NRG1: variants seen among roughly 807,000 people sequenced by gnomAD.
NRG1 encodes pro-neuregulin-1, membrane-bound isoform.
A neutral mutation model predicts 63.8 loss-of-function variants in NRG1; 18 were observed. The observed-to-expected ratio is 0.28, with a 90% CI of 0.19 to 0.42. The LOEUF (loss-of-function observed/expected upper bound fraction) is 0.42. Among genes scored for constraint, NRG1 ranks in the 10% least tolerant of loss-of-function variants. The pLI is 1.00. For synonymous variants in NRG1, 302 were observed against 301.3 expected (o/e 1.00, Z -0.02); for missense variants, 762 against 814.7 (o/e 0.94, Z 0.79).
chr8:32,185,845 T>C (rs560144251), intron 1 of NRG1, among the ~76,000 whole-genome samples: 1 of 152,310 alleles, frequency 6.6e-6, no homozygotes, highest in Admixed American at 6.5e-5. Flanking sequence ...ATAATGAAAA[T>C]TTCTTCATTA....
At chr8:32,748,742 A>C (rs756809593) in intron 7 of NRG1, 12 of 453,276 alleles carry the variant, frequency 2.6e-5, no homozygotes, top group South Asian at 1.9e-4. Flanking sequence ...AAGATGAAAA[A>C]CCCTAGGAAT....
chr8:31,779,351 G>T (rs1482949417), intron 1 of NRG1, among the ~76,000 whole-genome samples: 1 of 152,036 alleles, frequency 6.6e-6, no homozygotes, highest in African/African-American at 2.4e-5. Context: ...GTAAGTTTTG[G>T]ATGAGAGTCA....
intron 1 of NRG1, among the ~76,000 whole-genome samples, chr8:32,148,184 C>G (rs1837106661): frequency 6.6e-6 from 1 of 152,072 alleles, no homozygotes; most frequent in African/African-American, 2.4e-5. Flanking sequence ...TAAATATACC[C>G]ATTTCAAATA....
intron 6 of NRG1, among the ~76,000 whole-genome samples, chr8:32,730,766 A>T (rs1036208935): frequency 1.3e-5 from 2 of 152,172 alleles, no homozygotes; most frequent in Non-Finnish European, 2.9e-5. Context: ...AAAATGCCAG[A>T]AGCTGAGAAT....
intron 7 of NRG1, chr8:32,749,949 A>T (rs1564102752): frequency 4.4e-6 from 1 of 226,182 alleles, no homozygotes; most frequent in East Asian, 1.0e-4. Context: ...ATCCACTCAG[A>T]GACCTGAGAA....
intron 1 of NRG1, among the ~76,000 whole-genome samples, chr8:31,803,570 A>G (rs556959910): frequency 2.0e-5 from 3 of 152,296 alleles, no homozygotes; most frequent in East Asian, 3.9e-4. Flanking sequence ...CTACCCACCA[A>G]AATCCCATGC....
chr8:31,646,375 G>A lies in NRG1; in HGVS notation c.37+6944G>A, dbSNP rs189749671. Among the ~76,000 whole-genome samples the A allele has an allele frequency of 3.9e-5, 6 of 152,334 alleles. No individual in the cohort carries two copies. The East Asian group carries it at 1.2e-3, about 29-fold the overall frequency. Reference sequence around the variant, plus strand: ...TCTGCTGTGCTAGAATATGTGAGCTGAATCAAGCCCAGTGCAAGGGAACAT... The same window carrying A: ...TCTGCTGTGCTAGAATATGTGAGCTAAATCAAGCCCAGTGCAAGGGAACAT... On this transcript the variant is annotated intron_variant, in intron 1 of 10. Transcript: ENST00000519301.
intron 5 of NRG1, chr8:32,647,932 A>C: frequency 6.2e-7 from 1 of 1,614,112 alleles, no homozygotes; most frequent in East Asian, 2.2e-5. Flanking sequence ...GGTTGCCTCA[A>C]CTCAGAGAAA....
At chr8:32,357,222 C>G (rs1315727033) in intron 1 of NRG1, among the ~76,000 whole-genome samples, 1 of 151,874 alleles carries the variant, frequency 6.6e-6, no homozygotes, top group African/African-American at 2.4e-5. Flanking sequence ...TGTCCTTGAC[C>G]AGAGCATTAG....
chr8:31,916,459 G>A (rs1833397899), intron 1 of NRG1, among the ~76,000 whole-genome samples: 1 of 152,048 alleles, frequency 6.6e-6, no homozygotes, highest in Non-Finnish European at 1.5e-5. Context: ...GCGGTGTTTG[G>A]TTTTTTGTTC....
chr8:31,663,256 T>G (rs1210786626), intron 1 of NRG1, among the ~76,000 whole-genome samples: 1 of 152,198 alleles, frequency 6.6e-6, no homozygotes, highest in Non-Finnish European at 1.5e-5. Flanking sequence ...ACCCAAGCAC[T>G]GTTTACCAAA....
chr8:31,939,865 A>G (rs1406222871), intron 1 of NRG1, among the ~76,000 whole-genome samples: 1 of 152,170 alleles, frequency 6.6e-6, no homozygotes, highest in Non-Finnish European at 1.5e-5. Flanking sequence ...GCAGGAAAAT[A>G]CCGCAATTCT....
At chr8:32,120,384 T>C (rs1235642989) in intron 1 of NRG1, among the ~76,000 whole-genome samples, 1 of 152,072 alleles carries the variant, frequency 6.6e-6, no homozygotes, top group Non-Finnish European at 1.5e-5. Context: ...TATGTGAGAC[T>C]CAAATTCAGC....
At chr8:32,221,841 C>G (rs970579709) in intron 1 of NRG1, among the ~76,000 whole-genome samples, 1 of 151,862 alleles carries the variant, frequency 6.6e-6, no homozygotes, top group Non-Finnish European at 1.5e-5. Flanking sequence ...GAACATATAT[C>G]TTTATATTTT....
chr8:32,754,599 G>A (rs1278273247), intron 8 of NRG1, 125 bp downstream of exon 8: 6 of 813,640 alleles, frequency 7.4e-6, no homozygotes, highest in Non-Finnish European at 1.2e-5. Flanking sequence ...AGGGGCAGGG[G>A]GAGATTATTT....
intron 1 of NRG1, among the ~76,000 whole-genome samples, chr8:31,783,660 G>A (rs2131625071): frequency 6.6e-6 from 1 of 151,284 alleles, no homozygotes; most frequent in African/African-American, 2.4e-5. Flanking sequence ...TAGCTTTTCA[G>A]TCAGGAAACT....
intron 1 of NRG1, among the ~76,000 whole-genome samples, chr8:32,558,061 C>T (rs746075361): frequency 1.5e-4 from 23 of 152,204 alleles, no homozygotes; most frequent in Non-Finnish European, 2.5e-4. Context: ...AAAAGGATAG[C>T]GATCCACTTA....
At chr8:32,197,423 T>A (rs1267775560) in intron 1 of NRG1, among the ~76,000 whole-genome samples, 1 of 152,204 alleles carries the variant, frequency 6.6e-6, no homozygotes, top group Admixed American at 6.5e-5. Flanking sequence ...TCTTAAAGGC[T>A]GATTTGGTGA....
At chr8:31,770,544 A>G (rs866337588) in intron 1 of NRG1, among the ~76,000 whole-genome samples, 65 of 149,716 alleles carry the variant, frequency 4.3e-4, no homozygotes, top group African/African-American at 1.4e-3. Flanking sequence ...GCATGTTCTC[A>G]CTCATAGGTG....
Sources: allele counts gnomAD v4.1 joint callset (sites outside exome capture counted in the v4.1 genomes callset), GRCh38; gene constraint gnomAD v4.1.1; transcripts MANE v1.5; gene names NCBI Gene and HGNC (gene_info 2026-07-23, HGNC 2026-07-21).